RUVBL1: variants seen among roughly 807,000 people sequenced by gnomAD.
RUVBL1 encodes the protein ruvB-like 1.
Under a neutral mutation model 52.4 loss-of-function variants are expected in RUVBL1, and 4 were observed. That is an observed-to-expected ratio of 0.08 (90% CI 0.04 to 0.17). The LOEUF (loss-of-function observed/expected upper bound fraction) is 0.17. Ranked by LOEUF, RUVBL1 falls within the 10% of genes least tolerant of loss-of-function variation. The pLI is 1.00. For missense variants in RUVBL1, 298 were observed against 572.8 expected (o/e 0.52, Z 4.90); for synonymous variants, 217 against 214.4 (o/e 1.01, Z -0.10).
intron 9 of RUVBL1, among the ~76,000 whole-genome samples, chr3:128,066,074 C>T (rs1253751923): frequency 2.6e-5 from 4 of 151,920 alleles, no homozygotes; most frequent in Non-Finnish European, 5.9e-5. Flanking sequence ...CTCTGTATTC[C>T]GAGCCCTGTT....
chr3:128,082,613 C>T lies in RUVBL1; in HGVS notation c.1120-39G>A, dbSNP rs1008958088. The stretch of plus-strand genomic sequence containing the variant: ...AAAAACATGATCAACGGTGACTGAC[C>T]TCAAGTGCCCCATTTCTAAAGTGCT... On this transcript the variant is annotated intron_variant, in intron 9 of 10. Coordinates refer to ENST00000322623, the MANE Select transcript of RUVBL1 (RefSeq NM_003707.3). The surrounding 1 kb of genome is among the most constrained non-coding windows in gnomAD (Gnocchi z 4.7). 1 of 1,471,312 alleles carries T rather than the reference C, an allele frequency of 6.8e-7. No homozygotes were observed. Among genetic ancestry groups the T allele is most frequent in the Non-Finnish European group, 9.4e-7 (1 of 1,059,172 alleles). The allele number at this position is 1,471,312 out of a possible 1,614,324, so 91.1% of individuals were successfully genotyped here.
downstream of RUVBL1, chr3:128,078,663 A>C (rs1310242809): frequency 2.1e-5 from 3 of 143,990 alleles, no homozygotes; most frequent in Admixed American, 6.8e-5. Context: ...ATAGTGCAAA[A>C]AATGAGGCTG....
intron 1 of RUVBL1, among the ~76,000 whole-genome samples, chr3:128,143,502 C>G (rs1559838040): frequency 6.6e-6 from 1 of 152,178 alleles, no homozygotes. Flanking sequence ...TCTGTGGAGT[C>G]CCTTTGGCCA....
intron 9 of RUVBL1, chr3:128,065,288 C>G (rs2107648088): frequency 1.7e-6 from 1 of 604,390 alleles, no homozygotes; most frequent in East Asian, 2.8e-5. Flanking sequence ...TGGGTTGGGC[C>G]TATCGACAGG....
At chr3:128,102,594 A>G (rs1943130447) in intron 4 of RUVBL1, among the ~76,000 whole-genome samples, 1 of 152,282 alleles carries the variant, frequency 6.6e-6, no homozygotes, top group Non-Finnish European at 1.5e-5. Flanking sequence ...AGATACAAAA[A>G]AAGACATACA....
chr3:128,123,748 C>G lies in RUVBL1; in HGVS notation c.-24G>C, dbSNP rs1943716568. On this transcript the variant is annotated 5_prime_UTR_variant, in exon 1 of 11. Coordinates refer to ENST00000322623, the MANE Select transcript of RUVBL1 (RefSeq NM_003707.3). ...ATTTTGCAGACGCCGGGAGCTAAAACCAGCGTGGAAAACCAGCAGCTAGGA... is the reference window on the plus strand; with the variant it reads ...ATTTTGCAGACGCCGGGAGCTAAAAGCAGCGTGGAAAACCAGCAGCTAGGA... 6.3e-7 allele frequency: 1 copy of G among 1,586,088 alleles called. No homozygotes were observed. Among genetic ancestry groups the G allele is most frequent in the Middle Eastern group, 1.7e-4 (1 of 5,998 alleles).
rs758640768 is a variant in RUVBL1 at position 128,065,732 on chromosome 3, A to ATTTTTTT, written c.940-519_940-513dup. Among the ~76,000 whole-genome samples, 418 of 97,488 alleles carry ATTTTTTT rather than the reference A, an allele frequency of 4.3e-3. 26 individuals carry two copies. Among genetic ancestry groups the ATTTTTTT allele is most frequent in the African/African-American group, 0.012 (290 of 24,130 alleles). 64.0% of individuals were successfully genotyped at this position (97,488 alleles called of 152,430 possible). A position where few individuals can be genotyped will look rare whatever the true frequency, so the allele number is the denominator to read the frequency against. ...AGAATTTGCAGTCAGATCATTAAGA[A>ATTTTTTT]TTTTTTTTTTTTTTTTTTTTTTGAG... On this transcript the variant is annotated intron_variant, in intron 9 of 9. Transcript: ENST00000464873.
intron 1 of RUVBL1, among the ~76,000 whole-genome samples, chr3:128,149,045 C>T (rs1247557420): frequency 6.6e-6 from 1 of 152,122 alleles, no homozygotes; most frequent in Non-Finnish European, 1.5e-5. Flanking sequence ...GACTGCCACA[C>T]ACTCTTCTTT....
chr3:128,153,530 T>G (rs1395499891), exon 1 of RUVBL1: 1 of 1,516,190 alleles, frequency 6.6e-7, no homozygotes, highest in Middle Eastern at 2.2e-4. Flanking sequence ...CGGGTGAACG[T>G]GAACGTGGGC....
chr3:128,106,045 G>T (rs575224669), intron 3 of RUVBL1, among the ~76,000 whole-genome samples: 13 of 151,608 alleles, frequency 8.6e-5, no homozygotes, highest in South Asian at 2.1e-4. Context: ...AATTTTTGGG[G>T]TTTTTTTGTA....
At chr3:128,096,375 G>A (rs1286857389) in intron 8 of RUVBL1, among the ~76,000 whole-genome samples, 1 of 152,222 alleles carries the variant, frequency 6.6e-6, no homozygotes, top group Non-Finnish European at 1.5e-5. Flanking sequence ...AAAGTTCCTG[G>A]CCCAGCTTTG....
chr3:128,072,159 C>T (rs1268521576), intron 9 of RUVBL1, among the ~76,000 whole-genome samples: 1 of 152,196 alleles, frequency 6.6e-6, no homozygotes, highest in Non-Finnish European at 1.5e-5. Flanking sequence ...GAGTGGCAGG[C>T]TTGTGGCTGC....
At chr3:128,109,485 G>A (rs529284777) in intron 3 of RUVBL1, among the ~76,000 whole-genome samples, 5 of 151,748 alleles carry the variant, frequency 3.3e-5, no homozygotes, top group African/African-American at 4.8e-5. Flanking sequence ...GGGCTCAAGC[G>A]ATTCTCATGT....
downstream of RUVBL1, chr3:128,079,122 T>C (rs1287366691): frequency 2.6e-5 from 4 of 152,368 alleles, no homozygotes; most frequent in African/African-American, 9.6e-5. Flanking sequence ...GCCACTTCCA[T>C]CTTGCTCCTT....
At chr3:128,153,475 G>A in exon 1 of RUVBL1, 3 of 1,465,886 alleles carry the variant, frequency 2.0e-6, no homozygotes, top group Non-Finnish European at 2.7e-6. Context: ...GTGAGGGGCG[G>A]GCCGGGCGGG....
intron 3 of RUVBL1, among the ~76,000 whole-genome samples, chr3:128,107,707 CA>C (rs1266657078): frequency 6.6e-6 from 1 of 152,190 alleles, no homozygotes; most frequent in Non-Finnish European, 1.5e-5. Flanking sequence ...TGTGCTTTAC[CA>C]AATTCTTAGT....
At chr3:128,133,985 C>G (rs567705330) in intron 1 of RUVBL1, among the ~76,000 whole-genome samples, 1 of 151,898 alleles carries the variant, frequency 6.6e-6, no homozygotes, top group South Asian at 2.1e-4. Flanking sequence ...TTTGAGGAAG[C>G]GCAACGAAAT....
Position 128,112,991 on chromosome 3 carries a change from C to A in RUVBL1, c.258G>T (p.Glu86Asp). The A allele has an allele frequency of 6.2e-7, 1 of 1,614,126 alleles. No homozygotes were observed. The highest frequency in any genetic ancestry group is 8.5e-7 in the Non-Finnish European group (1 of 1,180,014). Reference protein sequence around the residue: ...KTALALAIAQELGSKVPFCPM... With the variant: ...KTALALAIAQDLGSKVPFCPM... ...GGCAGAAGGGGACCTTACTACCCAG[C>A]TCCTGAGCAATAGCCAGAGCCAGAG... Residue 86 changes from glutamate (E) to aspartate (D), a missense_variant, in exon 3 of 11, where the codon GAG becomes GAT. Physicochemically the swap from Glu to Asp is conservative, Grantham distance 45. Around this residue, in one of 5 missense-constraint regions of RUVBL1, gnomAD observed 71 missense variants for 125.7 expected, o/e 0.57. Transcript: ENST00000322623.
intron 2 of RUVBL1, among the ~76,000 whole-genome samples, chr3:128,116,251 C>T (rs967576576): frequency 2.0e-5 from 3 of 151,156 alleles, no homozygotes; most frequent in Non-Finnish European, 3.0e-5. Flanking sequence ...TAACAAAATA[C>T]ATCTGGGGGC....
Sources: allele counts gnomAD v4.1 joint callset (sites outside exome capture counted in the v4.1 genomes callset), GRCh38; gene constraint gnomAD v4.1.1; regional missense constraint gnomAD v4.1.1; non-coding constraint Gnocchi (gnomAD v3.1); transcripts MANE v1.5; gene names NCBI Gene and HGNC (gene_info 2026-07-23, HGNC 2026-07-21).